The following RASAL2 variants were observed in gnomAD, a reference collection of about 807,000 sequenced individuals.
The protein encoded by RASAL2 is RAS protein activator like 2, also known as ras GTPase-activating protein nGAP.
Under a neutral mutation model 128.9 loss-of-function variants are expected in RASAL2, and 58 were observed. That is an observed-to-expected ratio of 0.45 (90% CI 0.36 to 0.56). RASAL2 has a LOEUF of 0.56. Ranked by LOEUF, RASAL2 falls within the 20% of genes least tolerant of loss-of-function variation. The probability of loss-of-function intolerance (pLI) is 0.00; values close to 1 mark genes in which losing one functional copy is unlikely to be tolerated. For synonymous variants in RASAL2, 561 were observed against 580.8 expected, an observed-to-expected ratio of 0.97 and a Z score of 0.49; for missense variants, 1,360 against 1,601.6, an observed-to-expected ratio of 0.85 and a Z score of 2.57.
intron 1 of RASAL2, among the ~76,000 whole-genome samples, chr1:178,247,819 G>A (rs1484146230): frequency 6.6e-6 from 1 of 152,054 alleles, no homozygotes; most frequent in Non-Finnish European, 1.5e-5. Flanking sequence ...CCTTAATTTC[G>A]TTATTTACGC....
chr1:178,310,460 C>A (rs575642391), intron 3 of RASAL2, among the ~76,000 whole-genome samples: 3 of 152,146 alleles, frequency 2.0e-5, no homozygotes, highest in South Asian at 4.1e-4. Flanking sequence ...TCAAAACTGA[C>A]ATGAATAAAA....
At chr1:178,398,890 T>A (rs1354383815) in intron 4 of RASAL2, among the ~76,000 whole-genome samples, 1 of 152,184 alleles carries the variant, frequency 6.6e-6, no homozygotes, top group Admixed American at 6.5e-5. Flanking sequence ...TTATCAGTAC[T>A]TGTGGTTCCT....
At chr1:178,289,280 T>C (rs549469143) in intron 2 of RASAL2, among the ~76,000 whole-genome samples, 1 of 152,162 alleles carries the variant, frequency 6.6e-6, no homozygotes, top group Non-Finnish European at 1.5e-5. Flanking sequence ...TCCATGACAC[T>C]GTGTTCTTTT....
At chr1:178,413,580 C>T (rs1033339523) in intron 4 of RASAL2, among the ~76,000 whole-genome samples, 1 of 152,154 alleles carries the variant, frequency 6.6e-6, no homozygotes, top group Non-Finnish European at 1.5e-5. Context: ...TTTAGCATAT[C>T]CAGCTAGCAA....
intron 9 of RASAL2, among the ~76,000 whole-genome samples, chr1:178,447,400 G>A (rs911908978): frequency 1.3e-5 from 2 of 151,910 alleles, no homozygotes; most frequent in African/African-American, 4.8e-5. Context: ...TAGGCTGGGC[G>A]CGGTGGCTCA....
chr1:178,265,203 A>G (rs371809770), intron 1 of RASAL2, among the ~76,000 whole-genome samples: 6 of 152,160 alleles, frequency 3.9e-5, no homozygotes, highest in African/African-American at 1.4e-4. Context: ...GCCTTGTTCA[A>G]ATGTTCAAAT....
intron 3 of RASAL2, among the ~76,000 whole-genome samples, chr1:178,305,770 CT>C (rs1439303790): frequency 1.3e-5 from 2 of 152,080 alleles, no homozygotes; most frequent in African/African-American, 2.4e-5. Context: ...AATTGCAAGC[CT>C]TTGGCAAATA....
intron 3 of RASAL2, among the ~76,000 whole-genome samples, chr1:178,333,157 T>C (rs1669419328): frequency 6.6e-6 from 1 of 151,970 alleles, no homozygotes; most frequent in African/African-American, 2.4e-5. Flanking sequence ...GCCTCCCGAG[T>C]AGCTGGGACT....
At chr1:178,332,680 T>G (rs1490587665) in intron 3 of RASAL2, among the ~76,000 whole-genome samples, 2 of 147,376 alleles carry the variant, frequency 1.4e-5, no homozygotes, top group East Asian at 2.1e-4. Flanking sequence ...GGCGCGATCT[T>G]GGCTCACTGC....
intron 5 of RASAL2, among the ~76,000 whole-genome samples, chr1:178,428,888 T>G (rs1024410779): frequency 5.9e-5 from 9 of 152,144 alleles, no homozygotes; most frequent in Admixed American, 1.3e-4. Context: ...GCTCTTCCCC[T>G]GTAGCCTACT....
chr1:178,318,674 A>G (rs1157817025), intron 3 of RASAL2, among the ~76,000 whole-genome samples: 63 of 144,416 alleles, frequency 4.4e-4, no homozygotes, highest in South Asian at 1.6e-3. Flanking sequence ...TTTTATTTTG[A>G]GCCTATGTGT....
chr1:178,149,230 G>T (rs1471013734), intron 1 of RASAL2, among the ~76,000 whole-genome samples: 1 of 152,052 alleles, frequency 6.6e-6, no homozygotes, highest in Admixed American at 6.5e-5. Context: ...AAGAGTTTAT[G>T]TTCTTAGATT....
intron 1 of RASAL2, among the ~76,000 whole-genome samples, chr1:178,112,912 TAAAAGAAAA>T (rs1027480995): frequency 4.7e-4 from 72 of 151,722 alleles, no homozygotes; most frequent in East Asian, 3.1e-3. Context: ...AGTATAATAG[TAAAAGAAAA>T]AAAAGAAAAA....
At chr1:178,295,843 A>C (rs1009043008) in intron 2 of RASAL2, among the ~76,000 whole-genome samples, 1 of 152,204 alleles carries the variant, frequency 6.6e-6, no homozygotes, top group African/African-American at 2.4e-5. Flanking sequence ...CCTCTTAAGC[A>C]TATAGTAGTC....
At chr1:178,106,131 G>A (rs761078988) in intron 1 of RASAL2, among the ~76,000 whole-genome samples, 1 of 152,168 alleles carries the variant, frequency 6.6e-6, no homozygotes, top group African/African-American at 2.4e-5. Context: ...ACAAGGTGAA[G>A]ATTATTCTTG....
intron 2 of RASAL2, among the ~76,000 whole-genome samples, chr1:178,295,583 C>T (rs1395428698): frequency 3.3e-5 from 5 of 152,110 alleles, no homozygotes; most frequent in Non-Finnish European, 7.3e-5. Flanking sequence ...GGAAACAACA[C>T]CTTAAGGCAG....
At chr1:178,165,925 T>C (rs1241010763) in intron 1 of RASAL2, among the ~76,000 whole-genome samples, 1 of 152,136 alleles carries the variant, frequency 6.6e-6, no homozygotes, top group Non-Finnish European at 1.5e-5. Context: ...GCTTTAGTCA[T>C]AGATGAGTAG....
intron 1 of RASAL2, among the ~76,000 whole-genome samples, chr1:178,255,558 A>G (rs1665303354): frequency 6.6e-6 from 1 of 152,092 alleles, no homozygotes; most frequent in East Asian, 1.9e-4. Flanking sequence ...TATAACAATA[A>G]AGTGGAGAAA....
At chr1:178,245,022 T>C (rs1664706198) in intron 1 of RASAL2, among the ~76,000 whole-genome samples, 2 of 152,230 alleles carry the variant, frequency 1.3e-5, no homozygotes. Flanking sequence ...TTGTAAATAG[T>C]GCTGCAATAA....
Sources: gnomAD v4.1 joint callset for allele counts (sites outside exome capture counted in the v4.1 genomes callset) on GRCh38, gnomAD v4.1.1 for gene constraint, MANE v1.5 for transcripts, NCBI Gene and HGNC (gene_info 2026-07-23, HGNC 2026-07-21) for gene names.